Variants in RPTOR observed in about 807,000 individuals in gnomAD.
RPTOR encodes the protein regulatory-associated protein of mTOR.
RPTOR carries 21 observed loss-of-function variants against 169.9 expected under a neutral mutation model. The ratio of observed to expected loss-of-function variants is 0.12; its 90% CI spans 0.09 to 0.18. The LOEUF is 0.18. Ranked by LOEUF, RPTOR falls within the 10% of genes least tolerant of loss-of-function variation. RPTOR has a pLI of 1.00. For missense variants in RPTOR, 1,133 were observed against 1,855.9 expected (o/e 0.61, Z 7.16); for synonymous variants, 732 against 753.2 (o/e 0.97, Z 0.46).
chr17:80,827,899 C>T (rs755389028), intron 9 of RPTOR, among the ~76,000 whole-genome samples: 1 of 152,214 alleles, frequency 6.6e-6, no homozygotes, highest in East Asian at 1.9e-4. Context: ...TATCAATATG[C>T]CCATTTTACT....
chr17:80,957,691 C>G lies in RPTOR; in HGVS notation c.3438C>G (p.Ile1146Met). 13 of 1,614,118 alleles carry G rather than the reference C, an allele frequency of 8.1e-6. No individual in the cohort carries two copies. The highest frequency in any genetic ancestry group is 1.7e-5 in the Admixed American group (1 of 60,036). The change falls in exon 29 of 34, where the codon ATC becomes ATG. Residue 1146 changes from isoleucine to methionine, a missense_variant. Ile to Met is a conservative substitution (Grantham distance 10). Around this residue, in one of 9 missense-constraint regions of RPTOR, gnomAD observed 410 missense variants for 623.7 expected, o/e 0.66. Coordinates refer to ENST00000306801, the MANE Select transcript of RPTOR (RefSeq NM_020761.3). The surrounding 1 kb of genome is among the most constrained non-coding windows in gnomAD (Gnocchi z 4.6). ...GLLMSSGDVR[I>M]VRIWDTDREM... ...TCATGAGCTCAGGAGACGTGCGGAT[C>G]GTCCGGATCTGGGACACAGACCGTG...
At position 80,957,425 on chromosome 17, in the gene RPTOR, T is replaced by C. The variant is rs182436477; in HGVS notation, c.3371-199T>C. On this transcript the variant is annotated intron_variant, in intron 28 of 33. Transcript: ENST00000306801. This position sits in a 1 kb window ranked among gnomAD's most constrained non-coding sequence, Gnocchi z 4.6. ...CGGACTTGGGAGTTCCAGCTCAGAA[T>C]TGTCACCCCAGCCTGGACGTGGGGC... Among the ~76,000 whole-genome samples, 3 of 152,004 alleles carry C rather than the reference T, an allele frequency of 2.0e-5. No homozygotes were observed. The highest frequency in any genetic ancestry group is 7.2e-5 in the African/African-American group (3 of 41,460).
chr17:80,886,875 G>A (rs913553614), intron 17 of RPTOR, among the ~76,000 whole-genome samples: 1 of 152,260 alleles, frequency 6.6e-6, no homozygotes, highest in African/African-American at 2.4e-5. Context: ...CCCTCCGGGA[G>A]CACGTGGTCT....
intron 24 of RPTOR, among the ~76,000 whole-genome samples, chr17:80,930,320 GCTCAGCTCATC>G (rs1567993570): frequency 4.4e-4 from 13 of 29,412 alleles, no homozygotes; most frequent in African/African-American, 5.1e-4. Context: ...CCCCAGCTCA[GCTCAGCTCATC>G]CTCAGCTCAT....
At chr17:80,911,658 A>G (rs942996653) in intron 21 of RPTOR, among the ~76,000 whole-genome samples, 1 of 152,060 alleles carries the variant, frequency 6.6e-6, no homozygotes, top group African/African-American at 2.4e-5. Flanking sequence ...GGTGGCAAGC[A>G]CTTGTGGTCG....
chr17:80,666,902 C>T lies in RPTOR; in HGVS notation c.348+23092C>T, dbSNP rs140352567. Among the ~76,000 whole-genome samples, 383 of 152,266 alleles carry T rather than the reference C, an allele frequency of 2.5e-3. 3 individuals are homozygous for T. The highest frequency in any genetic ancestry group is 8.8e-3 in the African/African-American group (365 of 41,534). On this transcript the variant is annotated intron_variant, in intron 3 of 33. Coordinates refer to ENST00000306801, the MANE Select transcript of RPTOR (RefSeq NM_020761.3). Reference sequence around the variant, plus strand: ...CGAATTACTGCCCGTGTCCTCTGATCGAGCCTTCTAGGCCACTACCGTATC... The same window carrying T: ...CGAATTACTGCCCGTGTCCTCTGATTGAGCCTTCTAGGCCACTACCGTATC...
chr17:80,652,555 C>A (rs934008988), intron 3 of RPTOR, among the ~76,000 whole-genome samples: 12 of 152,218 alleles, frequency 7.9e-5, no homozygotes, highest in Non-Finnish European at 1.8e-4. Flanking sequence ...GTCTTGAACC[C>A]CTGGCTTCAA....
chr17:80,822,591 C>T lies in RPTOR; in HGVS notation c.991+290C>T, dbSNP rs572509142. Among the ~76,000 whole-genome samples the T allele has an allele frequency of 5.1e-4, 78 of 152,328 alleles. No homozygotes were observed. In the South Asian group the frequency reaches 0.015, roughly 29 times the overall value. ...ACCGGCGGCTTATCTTCAGAGTCGT[C>T]GGCATTATTCACACTGGCTGGAAAC... is the stretch of plus-strand genomic sequence containing the variant. On this transcript the variant is annotated intron_variant, in intron 8 of 33. Transcript: ENST00000306801.
At chr17:80,681,263 C>A (rs2065895663) in intron 3 of RPTOR, among the ~76,000 whole-genome samples, 1 of 152,204 alleles carries the variant, frequency 6.6e-6, no homozygotes, top group Admixed American at 6.5e-5. Flanking sequence ...AGGAAAAGAG[C>A]ATCTTTTAGA....
chr17:80,758,590 AAGAT>A (rs1349313598), intron 6 of RPTOR, among the ~76,000 whole-genome samples: 4 of 152,270 alleles, frequency 2.6e-5, no homozygotes, highest in Middle Eastern at 3.4e-3. Flanking sequence ...TTAGGGCAGA[AAGAT>A]AGAAAATCAC....
At chr17:80,565,636 G>C (rs1164717469) in intron 1 of RPTOR, among the ~76,000 whole-genome samples, 4 of 142,830 alleles carry the variant, frequency 2.8e-5, no homozygotes, top group Admixed American at 2.8e-4. Context: ...GGAGGGAGGC[G>C]TGCACTGCTG....
intron 3 of RPTOR, among the ~76,000 whole-genome samples, chr17:80,657,999 C>T (rs1430171603): frequency 6.6e-6 from 1 of 152,150 alleles, no homozygotes; most frequent in African/African-American, 2.4e-5. Flanking sequence ...TAATAAATTA[C>T]TACATACCCT....
At chr17:80,606,725 A>G (rs2065232017) in intron 1 of RPTOR, among the ~76,000 whole-genome samples, 1 of 152,142 alleles carries the variant, frequency 6.6e-6, no homozygotes, top group Non-Finnish European at 1.5e-5. Context: ...CTGTCCATTT[A>G]TTTGTTCACT....
At chr17:80,713,027 G>C (rs1199863921) in intron 4 of RPTOR, among the ~76,000 whole-genome samples, 2 of 152,086 alleles carry the variant, frequency 1.3e-5, no homozygotes, top group African/African-American at 2.4e-5. Context: ...TCTTGTTGCT[G>C]AGTTTTAAGA....
intron 17 of RPTOR, among the ~76,000 whole-genome samples, chr17:80,888,260 G>A (rs895097992): frequency 6.6e-6 from 1 of 152,146 alleles, no homozygotes; most frequent in Non-Finnish European, 1.5e-5. Flanking sequence ...GACCACAGGC[G>A]CGTGCCACCA....
At chr17:80,779,615 A>T (rs2066921225) in intron 6 of RPTOR, among the ~76,000 whole-genome samples, 1 of 152,108 alleles carries the variant, frequency 6.6e-6, no homozygotes, top group African/African-American at 2.4e-5. Flanking sequence ...CTGCTTGCGG[A>T]AGCCTCTTAA....
intron 3 of RPTOR, among the ~76,000 whole-genome samples, chr17:80,703,973 T>G (rs1484100374): frequency 6.6e-6 from 1 of 152,200 alleles, no homozygotes; most frequent in East Asian, 1.9e-4. Context: ...TTATAGCTGA[T>G]GCGTTTGGTT....
chr17:80,701,004 G>T (rs143752484), intron 3 of RPTOR, among the ~76,000 whole-genome samples: 169 of 152,246 alleles, frequency 1.1e-3, no homozygotes, highest in Non-Finnish European at 1.8e-3. Flanking sequence ...AGACAAGAAG[G>T]TGTCAAGGGT....
intron 6 of RPTOR, among the ~76,000 whole-genome samples, chr17:80,787,912 C>A (rs1298903185): frequency 2.0e-5 from 3 of 152,110 alleles, no homozygotes; most frequent in East Asian, 3.8e-4. Context: ...ATTGCCCCCA[C>A]CTTTTTGCTT....
Sources: allele counts gnomAD v4.1 joint callset (sites outside exome capture counted in the v4.1 genomes callset), GRCh38; gene constraint gnomAD v4.1.1; regional missense constraint gnomAD v4.1.1; non-coding constraint Gnocchi (gnomAD v3.1); transcripts MANE v1.5; gene names NCBI Gene and HGNC (gene_info 2026-07-23, HGNC 2026-07-21).